The following KIDINS220 variants were observed in gnomAD, a reference collection of about 807,000 sequenced individuals.
KIDINS220 encodes the protein kinase D interacting substrate 220.
Under a neutral mutation model 157.6 loss-of-function variants are expected in KIDINS220, and 63 were observed. That is an observed-to-expected ratio of 0.40 (90% CI 0.33 to 0.49). KIDINS220 has a LOEUF of 0.49. Ranked by LOEUF, KIDINS220 falls within the 20% of genes least tolerant of loss-of-function variation. KIDINS220 has a pLI of 0.66. For missense variants in KIDINS220, 1,772 were observed against 2,171.2 expected, an observed-to-expected ratio of 0.82 and a Z score of 3.65; for synonymous variants, 732 against 783.6, an observed-to-expected ratio of 0.93 and a Z score of 1.10.
intron 23 of KIDINS220, among the ~76,000 whole-genome samples, chr2:8,750,601 T>C (rs755583892): frequency 2.0e-5 from 3 of 152,236 alleles, no homozygotes; most frequent in Non-Finnish European, 4.4e-5. Context: ...TTGGAACAAT[T>C]GACTCTTCTC....
At chr2:8,757,900 T>G in intron 22 of KIDINS220, 1 of 944,686 alleles carries the variant, frequency 1.1e-6, no homozygotes, top group Non-Finnish European at 1.6e-6. Flanking sequence ...TTCACTCTTG[T>G]TGCCCAGGCT....
At chr2:8,828,437 G>C (rs1299115365) in intron 1 of KIDINS220, among the ~76,000 whole-genome samples, 1 of 152,140 alleles carries the variant, frequency 6.6e-6, no homozygotes, top group East Asian at 1.9e-4. Context: ...ATGACATATT[G>C]TTCACTTATT....
Position 8,731,112 on chromosome 2 carries a change from G to A in KIDINS220, c.4924C>T (p.Arg1642Trp), listed in dbSNP as rs773095081. 6.2e-7 allele frequency: 1 copy of A among 1,614,152 alleles called. No homozygotes were observed. ...TTGTCTTCTGAACAAATGGACATCC[G>A]AGCTATAATTGGATCTTGCAGGCCA... The part of the protein sequence containing the change: ...LSGLQDPIIA[R>W]MSICSEDKKS... The change falls in exon 30 of 30, where the codon CGG becomes TGG. Residue 1642 changes from arginine to tryptophan, a missense_variant. By Grantham distance (101) the Arg-to-Trp change is moderately radical. Transcript: ENST00000256707. This position sits in a 1 kb window ranked among gnomAD's most constrained non-coding sequence, Gnocchi z 5.2.
chr2:8,814,838 G>C (rs780132848), intron 4 of KIDINS220, among the ~76,000 whole-genome samples: 18 of 152,138 alleles, frequency 1.2e-4, no homozygotes, highest in Non-Finnish European at 1.2e-4. Flanking sequence ...TTCCCCCTAG[G>C]GGGTACACCA....
intron 22 of KIDINS220, among the ~76,000 whole-genome samples, chr2:8,759,214 T>G (rs895596822): frequency 1.3e-5 from 2 of 152,174 alleles, no homozygotes; most frequent in African/African-American, 2.4e-5. Flanking sequence ...AAGAAGACAT[T>G]TGCAAGTATC....
intron 1 of KIDINS220, among the ~76,000 whole-genome samples, chr2:8,834,286 G>C (rs1680075403): frequency 6.6e-6 from 1 of 151,672 alleles, no homozygotes; most frequent in Admixed American, 6.6e-5. Context: ...TCCCTACCAG[G>C]GCCAAGGCCT....
chr2:8,770,391 G>C (rs1354638147), intron 22 of KIDINS220, among the ~76,000 whole-genome samples: 1 of 152,142 alleles, frequency 6.6e-6, no homozygotes, highest in Non-Finnish European at 1.5e-5. Flanking sequence ...GGGTGACAGA[G>C]AGAGATCCTG....
At chr2:8,802,137 T>C (rs1343274257) in intron 8 of KIDINS220, among the ~76,000 whole-genome samples, 6 of 151,628 alleles carry the variant, frequency 4.0e-5, no homozygotes, top group Non-Finnish European at 8.8e-5. Flanking sequence ...GGGTACAAAG[T>C]GGGGAGAGAG....
chr2:8,767,780 T>C (rs1426973496), intron 22 of KIDINS220, among the ~76,000 whole-genome samples: 1 of 152,194 alleles, frequency 6.6e-6, no homozygotes, highest in Non-Finnish European at 1.5e-5. Flanking sequence ...TATGAGAATG[T>C]CCTAAATAAT....
At chr2:8,761,074 A>AT (rs1668684694) in intron 22 of KIDINS220, among the ~76,000 whole-genome samples, 1 of 152,176 alleles carries the variant, frequency 6.6e-6, no homozygotes, top group African/African-American at 2.4e-5. Flanking sequence ...TTTATACTTG[A>AT]TATTTTAAAA....
At chr2:8,779,953 TTAAAA>T (rs1315399517) in intron 17 of KIDINS220, 139 bp from the exon 18 acceptor site, 2 of 820,156 alleles carry the variant, frequency 2.4e-6, no homozygotes, top group African/African-American at 1.7e-5. Flanking sequence ...GTGCTTCCAC[TTAAAA>T]TAAGAGCGAG....
chr2:8,748,524 A>T (rs190887244), intron 24 of KIDINS220, among the ~76,000 whole-genome samples: 237 of 152,354 alleles, frequency 1.6e-3, no homozygotes, highest in African/African-American at 5.5e-3. Context: ...TTATAACCTA[A>T]ATAAGCAAGC....
intron 7 of KIDINS220, among the ~76,000 whole-genome samples, chr2:8,805,452 C>T (rs995963623): frequency 6.6e-5 from 10 of 152,050 alleles, no homozygotes; most frequent in Non-Finnish European, 1.3e-4. Context: ...CAAAAATAAC[C>T]TCATTAACAT....
intron 11 of KIDINS220, among the ~76,000 whole-genome samples, chr2:8,795,873 T>G (rs1428769427): frequency 6.6e-6 from 1 of 152,236 alleles, no homozygotes; most frequent in East Asian, 1.9e-4. Flanking sequence ...TATAAGAAGT[T>G]TTCTAGAAAG....
intron 26 of KIDINS220, among the ~76,000 whole-genome samples, chr2:8,742,263 C>T (rs1665731685): frequency 6.7e-6 from 1 of 148,678 alleles, no homozygotes. Context: ...CCCTGCCTGG[C>T]TAATTTTTTT....
intron 27 of KIDINS220, among the ~76,000 whole-genome samples, chr2:8,735,548 C>A (rs1482462398): frequency 6.6e-6 from 1 of 151,950 alleles, no homozygotes. Flanking sequence ...AAAAAAAAAT[C>A]ATAAAAAAGG....
intron 1 of KIDINS220, among the ~76,000 whole-genome samples, chr2:8,830,422 G>A (rs190499763): frequency 2.0e-5 from 3 of 152,126 alleles, no homozygotes; most frequent in South Asian, 2.1e-4. Flanking sequence ...AAATCAGATC[G>A]TTTATTTATT....
chr2:8,763,597 TAATA>T (rs1669065849), intron 22 of KIDINS220, among the ~76,000 whole-genome samples: 1 of 152,242 alleles, frequency 6.6e-6, no homozygotes. Flanking sequence ...GCCCTGCATA[TAATA>T]AATTCTATAA....
chr2:8,832,293 AG>A (rs1188236843), intron 1 of KIDINS220, among the ~76,000 whole-genome samples: 1 of 152,242 alleles, frequency 6.6e-6, no homozygotes, highest in Non-Finnish European at 1.5e-5. Context: ...GGGCACTGAC[AG>A]TGTTTAATAA....
Sources: gnomAD v4.1 joint callset for allele counts (sites outside exome capture counted in the v4.1 genomes callset) on GRCh38, gnomAD v4.1.1 for gene constraint, Gnocchi (gnomAD v3.1) non-coding constraint, MANE v1.5 for transcripts, NCBI Gene and HGNC (gene_info 2026-07-23, HGNC 2026-07-21) for gene names.